ATF2: variants seen among roughly 807,000 people sequenced by gnomAD.
ATF2 encodes the protein activating transcription factor 2.
A neutral mutation model predicts 60.6 loss-of-function variants in ATF2; 24 were observed. The observed-to-expected ratio is 0.40, with a 90% CI of 0.29 to 0.56. ATF2 has a LOEUF of 0.56. Among genes scored for constraint, ATF2 ranks in the 20% least tolerant of loss-of-function variants. The probability of loss-of-function intolerance (pLI) is 0.54; values close to 1 mark genes in which losing one functional copy is unlikely to be tolerated. For synonymous variants in ATF2, 206 were observed against 215.4 expected (o/e 0.96, Z 0.38); for missense variants, 433 against 607.7 (o/e 0.71, Z 3.02).
At chr2:175,113,811 A>AAG (rs1696368304) in intron 9 of ATF2, among the ~76,000 whole-genome samples, 183 bp downstream of exon 9, 1 of 151,772 alleles carries the variant, frequency 6.6e-6, no homozygotes, top group Non-Finnish European at 1.5e-5. Flanking sequence ...TTTTGGGGAG[A>AAG]AGAGAAAAAA....
rs79491300 is a variant in ATF2 at position 175,123,651 on chromosome 2, A to G, written c.103-2111T>C. The stretch of plus-strand genomic sequence containing the variant: ...TCCTAAGTGTAAAGAAGTGGCCAGA[A>G]GCAACCTAACAAATATTTAGGATCA... On this transcript the variant is annotated intron_variant, in intron 4 of 13. Transcript: ENST00000264110. Among the ~76,000 whole-genome samples, 91 of 152,182 alleles carry G rather than the reference A, an allele frequency of 6.0e-4. 1 individual carries two copies. The South Asian group carries it at 0.011, about 18-fold the overall frequency.
chr2:175,112,877 A>G (rs1196416709), intron 9 of ATF2, among the ~76,000 whole-genome samples: 1 of 152,178 alleles, frequency 6.6e-6, no homozygotes, highest in Non-Finnish European at 1.5e-5. Flanking sequence ...GAGCCACTGC[A>G]CTTGGCCTAA....
At chr2:175,080,822 T>A (rs1693710519) in intron 12 of ATF2, 57 bp from the exon 13 acceptor site, 2 of 1,377,132 alleles carry the variant, frequency 1.5e-6, no homozygotes, top group Non-Finnish European at 2.0e-6. Context: ...TTTTACTATT[T>A]AAAACAAGCA....
chr2:175,163,918 C>CAAAAAAAAAAAAAAAAG (rs1176905315), intron 1 of ATF2, among the ~76,000 whole-genome samples: 1 of 30,324 alleles, frequency 3.3e-5, no homozygotes, highest in African/African-American at 1.2e-4. Context: ...AACTCCGTCT[C>CAAAAAAAAAAAAAAAAG]AAAAAAAAAA....
At chr2:175,129,624 TTAA>T (rs1161028348) in intron 4 of ATF2, among the ~76,000 whole-genome samples, 2 of 151,808 alleles carry the variant, frequency 1.3e-5, no homozygotes, top group African/African-American at 2.4e-5. Context: ...TAGGAATAGA[TTAA>T]TAATTTAGTG....
chr2:175,148,979 G>A (rs1699129609), intron 2 of ATF2, among the ~76,000 whole-genome samples: 1 of 152,232 alleles, frequency 6.6e-6, no homozygotes, highest in South Asian at 2.1e-4. Context: ...TTGGGCACAT[G>A]TTCTCAGGGT....
intron 11 of ATF2, 77 bp downstream of exon 11, chr2:175,097,367 T>A: frequency 6.5e-7 from 1 of 1,544,514 alleles, no homozygotes; most frequent in Non-Finnish European, 8.7e-7. Flanking sequence ...TAATATTTTT[T>A]AAATAAGCCG....
chr2:175,144,425 G>A (rs934670378), intron 2 of ATF2, among the ~76,000 whole-genome samples: 2 of 152,098 alleles, frequency 1.3e-5, no homozygotes, highest in African/African-American at 2.4e-5. Context: ...ATGGAATCAT[G>A]TATTATAAAA....
Position 175,166,534 on chromosome 2 carries a change from C to T in ATF2, c.-143+1516G>A, listed in dbSNP as rs142368244. 2.1e-3 allele frequency among the ~76,000 whole-genome samples: 326 copies of T among 152,136 alleles called. 1 individual carries two copies. The highest frequency in any genetic ancestry group is 0.014 in the Middle Eastern group (4 of 294). ...TAACATTTTTGAAACAAAGTTTTTA[C>T]GGTGGATTCCTCAAGTAAGGAAAAA... is the stretch of plus-strand genomic sequence containing the variant. On this transcript the variant is annotated intron_variant, in intron 1 of 13. Transcript: ENST00000264110.
At chr2:175,107,584 CCT>C (rs1248725348) in intron 10 of ATF2, among the ~76,000 whole-genome samples, 4 of 151,910 alleles carry the variant, frequency 2.6e-5, no homozygotes, top group Admixed American at 1.3e-4. Context: ...TCTCCCTCTC[CCT>C]CTCTTTCCAC....
intron 3 of ATF2, among the ~76,000 whole-genome samples, chr2:175,134,658 T>G (rs369846747): frequency 6.6e-6 from 1 of 152,092 alleles, no homozygotes; most frequent in South Asian, 2.1e-4. Flanking sequence ...TTATAGAATT[T>G]CAACAAGTGC....
intron 12 of ATF2, among the ~76,000 whole-genome samples, chr2:175,088,107 T>C (rs1351780491): frequency 6.6e-6 from 1 of 152,212 alleles, no homozygotes; most frequent in African/African-American, 2.4e-5. Flanking sequence ...ATAGTACTTA[T>C]TCTATCAGTT....
At chr2:175,161,721 T>G (rs1700038273) in intron 1 of ATF2, among the ~76,000 whole-genome samples, 1 of 152,122 alleles carries the variant, frequency 6.6e-6, no homozygotes, top group Admixed American at 6.6e-5. Context: ...AATGACACAT[T>G]CATAAGACAG....
At chr2:175,128,023 A>G (rs1167932036) in intron 4 of ATF2, among the ~76,000 whole-genome samples, 1 of 152,176 alleles carries the variant, frequency 6.6e-6, no homozygotes, top group Non-Finnish European at 1.5e-5. Context: ...AGTAATCAAA[A>G]TGGTGTGGTA....
At chr2:175,154,234 A>T (rs74173163) in intron 1 of ATF2, among the ~76,000 whole-genome samples, 15,664 of 131,524 alleles carry the variant, frequency 0.12, 890 homozygotes, top group East Asian at 0.17. Flanking sequence ...AGAAAAAAAA[A>T]ATATATATAT....
At chr2:175,147,225 T>A (rs936284957) in intron 2 of ATF2, among the ~76,000 whole-genome samples, 2 of 152,216 alleles carry the variant, frequency 1.3e-5, no homozygotes, top group African/African-American at 4.8e-5. Flanking sequence ...TAGGCTGTAG[T>A]ATCAATATTC....
At chr2:175,121,570 A>G in intron 4 of ATF2, 30 bp from the exon 5 acceptor site, 1 of 1,510,566 alleles carries the variant, frequency 6.6e-7, no homozygotes, top group Non-Finnish European at 9.1e-7. Flanking sequence ...AATATAGTTA[A>G]GATTTTCAAT....
At chr2:175,160,096 C>T (rs1306471518) in intron 1 of ATF2, among the ~76,000 whole-genome samples, 1 of 152,138 alleles carries the variant, frequency 6.6e-6, no homozygotes, top group African/African-American at 2.4e-5. Flanking sequence ...AAATAAAATA[C>T]ACTACCGGCT....
At chr2:175,080,063 T>C (rs941712340) in intron 13 of ATF2, among the ~76,000 whole-genome samples, 4 of 152,044 alleles carry the variant, frequency 2.6e-5, no homozygotes, top group African/African-American at 9.7e-5. Flanking sequence ...AACAAAAGAA[T>C]CTCATTCTTT....
Sources: allele counts gnomAD v4.1 joint callset (sites outside exome capture counted in the v4.1 genomes callset), GRCh38; gene constraint gnomAD v4.1.1; transcripts MANE v1.5; gene names NCBI Gene and HGNC (gene_info 2026-07-23, HGNC 2026-07-21).